PAM: variants seen among roughly 807,000 people sequenced by gnomAD.
PAM encodes peptidylglycine alpha-amidating monooxygenase.
In PAM, 72 loss-of-function variants were observed where a neutral mutation model predicts 122.1. The observed-to-expected ratio is 0.59, with a 90% CI of 0.49 to 0.72. The LOEUF is 0.72. PAM is among the 30% of genes least tolerant of loss of function. The probability of loss-of-function intolerance (pLI) is 0.00; values close to 1 mark genes in which losing one functional copy is unlikely to be tolerated. For missense variants in PAM, 1,106 were observed against 1,183.7 expected (o/e 0.93, Z 0.96); for synonymous variants, 389 against 404.4 (o/e 0.96, Z 0.46).
intron 3 of PAM, among the ~76,000 whole-genome samples, chr5:102,881,416 T>C (rs781655589): frequency 6.6e-5 from 10 of 152,056 alleles, no homozygotes; most frequent in Non-Finnish European, 1.3e-4. Context: ...AAAAGAGCTA[T>C]GATATACAGA....
intron 15 of PAM, among the ~76,000 whole-genome samples, chr5:102,980,986 T>G (rs1324637652): frequency 6.6e-6 from 1 of 152,220 alleles, no homozygotes; most frequent in Non-Finnish European, 1.5e-5. Context: ...TAAAGGTGTA[T>G]ATTTTCATAA....
At chr5:102,788,487 T>C (rs1205842924) in intron 1 of PAM, among the ~76,000 whole-genome samples, 1 of 152,162 alleles carries the variant, frequency 6.6e-6, no homozygotes, top group Admixed American at 6.5e-5. Flanking sequence ...GTAATTCACA[T>C]TTAAGAATTT....
intron 3 of PAM, among the ~76,000 whole-genome samples, chr5:102,871,301 A>G (rs1010415921): frequency 1.3e-5 from 2 of 152,204 alleles, no homozygotes; most frequent in African/African-American, 4.8e-5. Context: ...GAAAATGTAT[A>G]CTAATATTAT....
chr5:102,936,827 T>A (rs1753422854), intron 7 of PAM, among the ~76,000 whole-genome samples: 1 of 152,130 alleles, frequency 6.6e-6, no homozygotes, highest in South Asian at 2.1e-4. Context: ...CCTGCCTCAT[T>A]GATTTTTATG....
At chr5:102,938,298 C>A (rs1753944496) in intron 7 of PAM, among the ~76,000 whole-genome samples, 1 of 152,050 alleles carries the variant, frequency 6.6e-6, no homozygotes, top group African/African-American at 2.4e-5. Flanking sequence ...CCATGGGACA[C>A]CTGTTTATTT....
chr5:102,803,231 A>G (rs1212824804), intron 1 of PAM, among the ~76,000 whole-genome samples: 8 of 146,866 alleles, frequency 5.4e-5, no homozygotes, highest in Admixed American at 6.8e-5. Context: ...GGAAGGAAGG[A>G]AGGGAAAAGT....
intron 4 of PAM, among the ~76,000 whole-genome samples, chr5:102,912,608 A>G (rs1032935394): frequency 6.6e-6 from 1 of 150,864 alleles, no homozygotes; most frequent in African/African-American, 2.5e-5. Flanking sequence ...CGGCTTCATG[A>G]TGATAAGGAC....
At chr5:102,840,446 A>G (rs1193905100) in intron 1 of PAM, among the ~76,000 whole-genome samples, 2 of 152,188 alleles carry the variant, frequency 1.3e-5, no homozygotes, top group Non-Finnish European at 1.5e-5. Flanking sequence ...AGGAATTTCC[A>G]TACAAATGTG....
chr5:102,904,369 A>G (rs1798908887), intron 4 of PAM, among the ~76,000 whole-genome samples: 1 of 151,416 alleles, frequency 6.6e-6, no homozygotes, highest in Non-Finnish European at 1.5e-5. Flanking sequence ...TGCCTCTTTA[A>G]ATTTTTGTAT....
Position 102,875,384 on chromosome 5 carries a change from A to C in PAM, c.210+7991A>C, listed in dbSNP as rs150654494. 8.0e-3 allele frequency among the ~76,000 whole-genome samples: 1,219 copies of C among 151,978 alleles called. 13 individuals are homozygous for C. Among genetic ancestry groups the C allele is most frequent in the African/African-American group, 0.027 (1,115 of 41,448 alleles). On this transcript the variant is annotated intron_variant, in intron 3 of 25. Transcript: ENST00000438793. The stretch of plus-strand genomic sequence containing the variant: ...AATTTTTTTATTTCTTTTAGAGATG[A>C]GGTTTTGCTGTGTTTCCCAGGCTGG...
intron 16 of PAM, among the ~76,000 whole-genome samples, chr5:102,996,934 G>A (rs1452541583): frequency 6.6e-6 from 1 of 152,026 alleles, no homozygotes; most frequent in Non-Finnish European, 1.5e-5. Flanking sequence ...TTAGCTTTGT[G>A]TCATTTTTTA....
intron 1 of PAM, among the ~76,000 whole-genome samples, chr5:102,864,184 A>ATATT (rs1472850333): frequency 2.8e-4 from 37 of 133,684 alleles, no homozygotes; most frequent in African/African-American, 8.8e-4. Flanking sequence ...ATATATATAT[A>ATATT]TTTTTTTTTT....
intron 15 of PAM, chr5:102,989,877 T>C (rs1179234650): frequency 6.6e-6 from 1 of 152,622 alleles, no homozygotes; most frequent in Non-Finnish European, 1.5e-5. Flanking sequence ...CCAGGCTTAT[T>C]GCCCATTCTT....
intron 5 of PAM, among the ~76,000 whole-genome samples, chr5:102,920,375 C>A (rs757516931): frequency 6.6e-6 from 1 of 152,040 alleles, no homozygotes; most frequent in Admixed American, 6.6e-5. Flanking sequence ...GACACACACT[C>A]TGCTTTTATG....
chr5:102,830,118 G>T (rs1342417658), intron 1 of PAM, among the ~76,000 whole-genome samples: 2 of 152,146 alleles, frequency 1.3e-5, no homozygotes, highest in Admixed American at 1.3e-4. Context: ...GTGACAACTG[G>T]TTGCATGGCT....
intron 18 of PAM, among the ~76,000 whole-genome samples, chr5:103,006,226 C>T (rs1264322777): frequency 6.6e-6 from 1 of 152,112 alleles, no homozygotes; most frequent in Non-Finnish European, 1.5e-5. Flanking sequence ...GTGTGGCCAT[C>T]GTGTCTGGGC....
chr5:102,870,227 T>A (rs1413723997), intron 3 of PAM, among the ~76,000 whole-genome samples: 9 of 152,096 alleles, frequency 5.9e-5, no homozygotes, highest in Non-Finnish European at 7.4e-5. Flanking sequence ...TTCCACAAGA[T>A]TTTTTTAAAA....
intron 15 of PAM, among the ~76,000 whole-genome samples, chr5:102,978,832 T>TAA (rs59992881): frequency 1.4e-5 from 2 of 141,082 alleles, no homozygotes; most frequent in African/African-American, 2.6e-5. Flanking sequence ...GGAGAATGGT[T>TAA]AAAAAAAAAA....
In PAM at chr5:102,831,872, TTCTCTCTC is replaced by T. The variant is rs35019489; in HGVS notation, c.-373-33936_-373-33929del. On this transcript the variant is annotated intron_variant, in intron 1 of 25. Transcript: ENST00000438793. ...TTATCATTTTTTATAGGAACTAGTC[TTCTCTCTC>T]TCTCTCTCTCTCTCCCCCGCCCGCC... Among the ~76,000 whole-genome samples the T allele has an allele frequency of 6.7e-5, 10 of 148,778 alleles. No homozygotes were observed. The South Asian group carries it at 2.1e-3, about 32-fold the overall frequency.
Sources: allele counts gnomAD v4.1 joint callset (sites outside exome capture counted in the v4.1 genomes callset), GRCh38; gene constraint gnomAD v4.1.1; transcripts MANE v1.5; gene names NCBI Gene and HGNC (gene_info 2026-07-23, HGNC 2026-07-21).